The following NRXN3 variants were observed in gnomAD, a reference collection of about 807,000 sequenced individuals.
NRXN3 encodes neurexin 3, also known as neurexin III.
A neutral mutation model predicts 137.6 loss-of-function variants in NRXN3; 32 were observed. The observed-to-expected ratio is 0.23, with a 90% confidence interval of 0.18 to 0.31. The LOEUF is 0.31. Ranked by LOEUF, NRXN3 falls within the 10% of genes least tolerant of loss-of-function variation. The pLI is 1.00. For missense variants in NRXN3, 1,574 were observed against 2,062.5 expected (o/e 0.76, Z 4.59); for synonymous variants, 798 against 784.5 (o/e 1.02, Z -0.29).
intron 15 of NRXN3, among the ~76,000 whole-genome samples, chr14:79,106,003 G>A (rs1195126453): frequency 6.6e-6 from 1 of 151,924 alleles, no homozygotes; most frequent in Non-Finnish European, 1.5e-5. Flanking sequence ...GTTCTGCTTT[G>A]ATCACCACTA....
At chr14:79,381,962 G>T (rs1435703383) in intron 15 of NRXN3, among the ~76,000 whole-genome samples, 3 of 152,124 alleles carry the variant, frequency 2.0e-5, no homozygotes, top group East Asian at 1.9e-4. Context: ...AACACTCCTT[G>T]TACTCTGAAG....
chr14:79,358,571 A>G (rs1367359457), intron 15 of NRXN3, among the ~76,000 whole-genome samples: 4 of 130,232 alleles, frequency 3.1e-5, no homozygotes, highest in Admixed American at 8.2e-5. Context: ...AAAAAAAAAA[A>G]AAAGAAAGAA....
At chr14:79,471,711 G>A (rs1287002519) in intron 16 of NRXN3, among the ~76,000 whole-genome samples, 1 of 152,108 alleles carries the variant, frequency 6.6e-6, no homozygotes, top group Non-Finnish European at 1.5e-5. Flanking sequence ...ATGTTGTGTG[G>A]GATGGTAGAA....
rs2067246024 is a variant in NRXN3 at position 78,243,195 on chromosome 14, C to G, written c.102C>G (p.Pro34=). 1 of 1,545,202 alleles carries G rather than the reference C, an allele frequency of 6.5e-7. No homozygotes were observed. Among genetic ancestry groups the G allele is most frequent in the Non-Finnish European group, 8.7e-7 (1 of 1,152,324 alleles). ...LCLGLEFMGL[P]NQWARYLRWD... ...TGGGCCTTGAGTTCATGGGCCTCCC[C>G]AACCAGTGGGCCCGCTACCTCCGCT... is the stretch of plus-strand genomic sequence containing the variant. The change falls in exon 2 of 21, where the codon CCC becomes CCG. Residue 34 remains proline (P), a synonymous_variant. Transcript: ENST00000335750. This position sits in a 1 kb window ranked among gnomAD's most constrained non-coding sequence, Gnocchi z 4.2.
chr14:78,539,251 T>C (rs537671153), intron 4 of NRXN3, among the ~76,000 whole-genome samples: 1 of 152,188 alleles, frequency 6.6e-6, no homozygotes, highest in East Asian at 1.9e-4. Flanking sequence ...TCCTGGACTT[T>C]TTTTGGTTGG....
chr14:78,327,528 C>T (rs1036411121), intron 4 of NRXN3, among the ~76,000 whole-genome samples: 1 of 152,194 alleles, frequency 6.6e-6, no homozygotes, highest in African/African-American at 2.4e-5. Context: ...AAACTCCAGG[C>T]TTGAACTCAA....
intron 19 of NRXN3, among the ~76,000 whole-genome samples, chr14:79,723,147 TAG>T (rs1369513834): frequency 2.6e-5 from 4 of 152,092 alleles, no homozygotes; most frequent in Admixed American, 6.6e-5. Flanking sequence ...GCCAACATAG[TAG>T]CTTGGAGGAA....
chr14:78,613,673 G>C (rs1473764380), intron 4 of NRXN3, among the ~76,000 whole-genome samples: 2 of 148,250 alleles, frequency 1.3e-5, no homozygotes, highest in Non-Finnish European at 3.0e-5. Context: ...GAGGGTTAGA[G>C]ACAGCAAGTG....
intron 4 of NRXN3, among the ~76,000 whole-genome samples, chr14:78,409,324 G>A (rs558501743): frequency 1.3e-5 from 2 of 152,304 alleles, no homozygotes; most frequent in East Asian, 3.9e-4. Flanking sequence ...TGTTTTACAG[G>A]TGAGGAAACT....
intron 19 of NRXN3, among the ~76,000 whole-genome samples, chr14:79,732,067 A>G (rs2154072464): frequency 6.6e-6 from 1 of 152,026 alleles, no homozygotes; most frequent in East Asian, 1.9e-4. Flanking sequence ...TGCAACTTCT[A>G]TTTTTGTGCC....
chr14:78,859,927 C>T (rs2152522046), intron 10 of NRXN3, among the ~76,000 whole-genome samples: 1 of 152,204 alleles, frequency 6.6e-6, no homozygotes, highest in South Asian at 2.1e-4. Context: ...CATCTTTCCT[C>T]TAAAGATCCT....
At chr14:78,519,893 A>G (rs2096262922) in intron 4 of NRXN3, among the ~76,000 whole-genome samples, 1 of 152,200 alleles carries the variant, frequency 6.6e-6, no homozygotes, top group South Asian at 2.1e-4. Flanking sequence ...TGCTTTTGGA[A>G]AGACTCTGTA....
chr14:79,386,583 C>T (rs1219915682), intron 15 of NRXN3, among the ~76,000 whole-genome samples: 7 of 152,154 alleles, frequency 4.6e-5, no homozygotes, highest in African/African-American at 1.7e-4. Context: ...ACTTTCTTCA[C>T]AGAGTTGGAA....
chr14:78,532,353 G>A (rs2096477459), intron 4 of NRXN3, among the ~76,000 whole-genome samples: 1 of 145,858 alleles, frequency 6.9e-6, no homozygotes, highest in African/African-American at 2.5e-5. Flanking sequence ...GAAAAGAAAA[G>A]AAAAAGAAAA....
At chr14:78,619,353 C>T (rs1312332659) in intron 4 of NRXN3, among the ~76,000 whole-genome samples, 2 of 152,122 alleles carry the variant, frequency 1.3e-5, no homozygotes, top group African/African-American at 4.8e-5. Flanking sequence ...AAGCCCTAAT[C>T]CCCAATGTGA....
intron 20 of NRXN3, among the ~76,000 whole-genome samples, chr14:79,824,504 A>G (rs1490754350): frequency 2.0e-5 from 3 of 152,086 alleles, no homozygotes; most frequent in Admixed American, 1.3e-4. Context: ...TCCGTTGTGG[A>G]AGGGGGAAAA....
chr14:78,751,283 C>G lies in NRXN3; in HGVS notation c.2044+36144C>G, dbSNP rs189148124. 2.4e-3 allele frequency among the ~76,000 whole-genome samples: 359 copies of G among 152,238 alleles called. 1 individual carries two copies. The highest frequency in any genetic ancestry group is 8.4e-3 in the African/African-American group (350 of 41,546). On this transcript the variant is annotated intron_variant, in intron 8 of 20. Coordinates refer to ENST00000335750, the MANE Select transcript of NRXN3 (RefSeq NM_001330195.2). ...CAATTCAGCTACCCTCATAGCATCC[C>G]CGATGTTCCGAAGAAAGGAAGCAGA...
At chr14:79,513,535 A>G (rs1050283102) in intron 16 of NRXN3, among the ~76,000 whole-genome samples, 4 of 152,218 alleles carry the variant, frequency 2.6e-5, no homozygotes, top group African/African-American at 9.6e-5. Context: ...TACAATATAA[A>G]TGACACATTC....
At chr14:79,045,307 T>G (rs377445450) in intron 15 of NRXN3, among the ~76,000 whole-genome samples, 2 of 152,156 alleles carry the variant, frequency 1.3e-5, no homozygotes, top group African/African-American at 4.8e-5. Context: ...CTGCTCCAAA[T>G]TTATGACCGG....
Sources: allele counts gnomAD v4.1 joint callset (sites outside exome capture counted in the v4.1 genomes callset), GRCh38; gene constraint gnomAD v4.1.1; non-coding constraint Gnocchi (gnomAD v3.1); transcripts MANE v1.5; gene names NCBI Gene and HGNC (gene_info 2026-07-23, HGNC 2026-07-21).